The following WDR49 variants were observed in gnomAD, a reference collection of about 807,000 sequenced individuals.
WDR49 encodes the protein cilia- and flagella-associated protein 337.
WDR49 carries 107 observed loss-of-function variants against 119.5 expected under a neutral mutation model. The observed-to-expected ratio is 0.90, with a 90% CI of 0.77 to 1.05. The LOEUF is 1.05. WDR49 is among the 50% of genes least tolerant of loss of function. The pLI, the probability that WDR49 is intolerant of heterozygous loss-of-function variation, is 0.00. For missense variants in WDR49, 1,240 were observed against 1,220.5 expected (o/e 1.02, Z -0.24); for synonymous variants, 425 against 418.8 (o/e 1.01, Z -0.18).
chr3:167,587,992 A>G (rs1714906007), intron 7 of WDR49, among the ~76,000 whole-genome samples: 1 of 152,160 alleles, frequency 6.6e-6, no homozygotes. Flanking sequence ...ATGTACAATT[A>G]AACTATTTTT....
chr3:167,501,369 A>G (rs1751557940), intron 17 of WDR49, among the ~76,000 whole-genome samples: 1 of 152,192 alleles, frequency 6.6e-6, no homozygotes, highest in African/African-American at 2.4e-5. Context: ...GTTTAATCCC[A>G]AAGGTTATGC....
intron 2 of WDR49, among the ~76,000 whole-genome samples, chr3:167,639,929 G>T (rs1717801148): frequency 6.6e-6 from 1 of 151,724 alleles, no homozygotes; most frequent in Non-Finnish European, 1.5e-5. Context: ...CAAAATACAT[G>T]ATCTCCAACC....
intron 11 of WDR49, among the ~76,000 whole-genome samples, chr3:167,535,878 T>C (rs1753003671): frequency 6.6e-6 from 1 of 152,152 alleles, no homozygotes; most frequent in Non-Finnish European, 1.5e-5. Context: ...GTGGTATATA[T>C]ACACACTGGA....
intron 15 of WDR49, among the ~76,000 whole-genome samples, chr3:167,525,019 C>A (rs1049798703): frequency 6.6e-6 from 1 of 151,990 alleles, no homozygotes; most frequent in Non-Finnish European, 1.5e-5. Flanking sequence ...TTCATGATAT[C>A]GATTCTTCCT....
chr3:167,505,405 G>T lies in WDR49; in HGVS notation c.2786C>A (p.Ser929Ter). The change falls in exon 17 of 19, where the codon TCA (serine) becomes TAA (stop). Residue 929 changes from serine to a stop codon, truncating the protein, a stop_gained. Coordinates refer to ENST00000682715, the MANE Select transcript of WDR49 (RefSeq NM_001366157.1). LOFTEE classifies it high-confidence loss of function. ...TTTTATATCTAAATTTATATCTTCT[G>T]ATGGTCTGACACTGGAAGAAAATAT... ...KDDSTYNVRP[S>*]EDINLDIKYK... 2 of 1,514,288 alleles carry T rather than the reference G, an allele frequency of 1.3e-6. No homozygotes were observed. Among genetic ancestry groups the T allele is most frequent in the Non-Finnish European group, 1.8e-6 (2 of 1,140,478 alleles). 93.8% of individuals were successfully genotyped at this position (1,514,288 alleles called of 1,614,324 possible).
chr3:167,635,625 G>C (rs1478190871), intron 2 of WDR49, among the ~76,000 whole-genome samples: 3 of 151,674 alleles, frequency 2.0e-5, no homozygotes, highest in African/African-American at 7.3e-5. Context: ...ACTACTGAGA[G>C]AGGACAATCC....
intron 10 of WDR49, among the ~76,000 whole-genome samples, 185 bp from the exon 11 acceptor site, chr3:167,537,185 A>G (rs1711518691): frequency 6.6e-6 from 1 of 152,174 alleles, no homozygotes; most frequent in Non-Finnish European, 1.5e-5. Context: ...TCATTAAATT[A>G]TCTGGTAAAT....
At chr3:167,550,536 T>G (rs1385118254) in intron 10 of WDR49, among the ~76,000 whole-genome samples, 1 of 152,010 alleles carries the variant, frequency 6.6e-6, no homozygotes, top group East Asian at 1.9e-4. Flanking sequence ...AAAACCTTCA[T>G]AAACAAATTT....
Position 167,627,215 on chromosome 3 carries a change from G to T in WDR49, c.243C>A (p.Gly81=). The T allele has an allele frequency of 8.0e-7, 1 of 1,251,798 alleles. No homozygotes were observed. Among genetic ancestry groups the T allele is most frequent in the Non-Finnish European group, 1.0e-6 (1 of 998,562 alleles). 77.5% of individuals were successfully genotyped at this position (1,251,798 alleles called of 1,614,324 possible). The change falls in exon 3 of 19, where the codon GGC becomes GGA. Residue 81 remains glycine, a synonymous_variant. Transcript: ENST00000682715. ...AGAGCTCCCCATATTCTTCCTTCGT[G>T]CCCCAACCAACAATCTCTGTCATCT... ...TQKMTEIVGW[G]TKEEYGELFD...
intron 10 of WDR49, among the ~76,000 whole-genome samples, chr3:167,550,424 G>A (rs1712486424): frequency 1.3e-5 from 2 of 152,002 alleles, no homozygotes; most frequent in Admixed American, 6.6e-5. Context: ...CTTGTAAGTT[G>A]GATTCCTAGG....
chr3:167,543,944 A>C (rs1712002182), intron 10 of WDR49, among the ~76,000 whole-genome samples: 1 of 151,992 alleles, frequency 6.6e-6, no homozygotes, highest in South Asian at 2.1e-4. Flanking sequence ...AGATCAGATA[A>C]ATGAATTCAG....
chr3:167,578,335 A>G (rs1169361981), intron 7 of WDR49, among the ~76,000 whole-genome samples: 6 of 152,094 alleles, frequency 3.9e-5, no homozygotes, highest in African/African-American at 2.4e-5. Flanking sequence ...CTCAAGCCAT[A>G]TATTCTACCC....
intron 16 of WDR49, among the ~76,000 whole-genome samples, chr3:167,516,266 C>T (rs1192356119): frequency 8.3e-6 from 1 of 119,836 alleles, no homozygotes; most frequent in Non-Finnish European, 1.7e-5. Context: ...CACCCCACAA[C>T]AGGCCCCAGT....
intron 2 of WDR49, among the ~76,000 whole-genome samples, chr3:167,639,627 CT>C (rs1485342759): frequency 1.3e-5 from 2 of 151,746 alleles, no homozygotes; most frequent in African/African-American, 4.8e-5. Flanking sequence ...GATATACTTA[CT>C]TTTCACATAT....
chr3:167,621,501 T>G lies in WDR49; in HGVS notation c.749A>C (p.Glu250Ala), dbSNP rs553091468. ...TATATCCCCAAAAGAAAGAATTGAT[T>G]CATTGGCATCAAGAGGATCATACCA... is the stretch of plus-strand genomic sequence containing the variant. ...DYWYDPLDAN[E>A]SILSFGDITG... Residue 250 changes from glutamate to alanine, a missense_variant, in exon 4 of 19, where the codon GAA becomes GCA. Coordinates refer to ENST00000682715, the MANE Select transcript of WDR49 (RefSeq NM_001366157.1). 6 of 1,534,700 alleles carry G rather than the reference T, an allele frequency of 3.9e-6. No homozygotes were observed. In the South Asian group the frequency reaches 4.8e-5, roughly 12 times the overall value.
chr3:167,514,893 T>G (rs1259949186), intron 16 of WDR49, among the ~76,000 whole-genome samples: 1 of 151,960 alleles, frequency 6.6e-6, no homozygotes, highest in Non-Finnish European at 1.5e-5. Flanking sequence ...AAGAAATGGA[T>G]AAATTCCTGG....
intron 10 of WDR49, among the ~76,000 whole-genome samples, chr3:167,538,404 T>G (rs1474216641): frequency 6.6e-6 from 1 of 152,154 alleles, no homozygotes; most frequent in Non-Finnish European, 1.5e-5. Flanking sequence ...AGATTATATC[T>G]CTGCAATATG....
At position 167,517,126 on chromosome 3, in the gene WDR49, A is replaced by G. The variant is rs184241603; in HGVS notation, c.2774+5189T>C. Among the ~76,000 whole-genome samples, 39 of 152,322 alleles carry G rather than the reference A, an allele frequency of 2.6e-4. 1 individual carries two copies. In the East Asian group the frequency reaches 3.3e-3, roughly 13 times the overall value. On this transcript the variant is annotated intron_variant, in intron 16 of 18. Coordinates refer to ENST00000682715, the MANE Select transcript of WDR49 (RefSeq NM_001366157.1). ...ACTTTTACACTGTTGGTGGGACTGT[A>G]AACTAGTACTCTTGACATTCTTGAC...
chr3:167,628,194 A>C (rs537038767), intron 2 of WDR49, among the ~76,000 whole-genome samples: 122 of 152,158 alleles, frequency 8.0e-4, no homozygotes, highest in Middle Eastern at 3.4e-3. Flanking sequence ...TGAGACACAA[A>C]AATATTGAAA....
Sources: allele counts gnomAD v4.1 joint callset (sites outside exome capture counted in the v4.1 genomes callset), GRCh38; gene constraint gnomAD v4.1.1; transcripts MANE v1.5; gene names NCBI Gene and HGNC (gene_info 2026-07-23, HGNC 2026-07-21).